RRP12: variants seen among roughly 807,000 people sequenced by gnomAD.
RRP12 encodes RRP12-like protein.
Under a neutral mutation model 157.3 loss-of-function variants are expected in RRP12, and 78 were observed. That is an observed-to-expected ratio of 0.50 (90% confidence interval 0.41 to 0.60). RRP12 has a LOEUF of 0.60. RRP12 is among the 20% of genes least tolerant of loss of function. RRP12 has a pLI of 0.00. For missense variants in RRP12, 1,521 were observed against 1,679.9 expected, an observed-to-expected ratio of 0.91 and a Z score of 1.65; for synonymous variants, 726 against 670.9, an observed-to-expected ratio of 1.08 and a Z score of -1.27.
rs1033917871 is a variant in RRP12, at chr10:97,361,019, C to T, written c.3568-401G>A. On this transcript the variant is annotated intron_variant, in intron 30 of 33. Coordinates refer to ENST00000370992, the MANE Select transcript of RRP12 (RefSeq NM_015179.4). ...ACCAGTTCTTTGCTTCACACAAACC[C>T]CACCCCACTCTCCCTATTAATCACT... 5.3e-5 allele frequency among the ~76,000 whole-genome samples: 8 copies of T among 152,134 alleles called. No homozygotes were observed. In the South Asian group the frequency reaches 1.7e-3, roughly 32 times the overall value.
Position 97,367,492 on chromosome 10 carries a change from G to C in RRP12, c.2956-360C>G, listed in dbSNP as rs1169973883. 3.4e-5 allele frequency: 9 copies of C among 268,398 alleles called. No homozygotes were observed. The Admixed American group carries it at 3.5e-4, about 10-fold the overall frequency. The allele number at this position is 268,398 out of a possible 1,614,324, so 16.6% of individuals were successfully genotyped here. A position where few individuals can be genotyped will look rare whatever the true frequency, so the allele number is the denominator to read the frequency against. ...AGGACACGGCGGCACAGAGGATAAA[G>C]TGTTTGCTAAATGGCCATAGAGGTG... On this transcript the variant is annotated intron_variant, in intron 25 of 33. Transcript: ENST00000370992.
intron 29 of RRP12, among the ~76,000 whole-genome samples, chr10:97,364,877 G>T (rs978142120): frequency 1.3e-5 from 2 of 152,158 alleles, no homozygotes; most frequent in African/African-American, 4.8e-5. Flanking sequence ...GGCAGAGAGA[G>T]AGGGGAGGGG....
chr10:97,364,959 G>A (rs150073483), intron 29 of RRP12, among the ~76,000 whole-genome samples: 1 of 152,248 alleles, frequency 6.6e-6, no homozygotes, highest in African/African-American at 2.4e-5. Flanking sequence ...GGCGAGAGAG[G>A]AGCAGAGAAG....
intron 3 of RRP12, 39 bp from the exon 4 acceptor site, chr10:97,393,799 T>C: frequency 3.2e-6 from 5 of 1,541,588 alleles, no homozygotes; most frequent in Non-Finnish European, 9.0e-7. Flanking sequence ...GGATAAAAAC[T>C]TACACTGAGC....
chr10:97,365,983 A>C, intron 29 of RRP12, 125 bp downstream of exon 29: 1 of 1,329,748 alleles, frequency 7.5e-7, no homozygotes, highest in Non-Finnish European at 1.0e-6. Context: ...AGAAACTCAA[A>C]AAGTTTGAGG....
intron 31 of RRP12, 99 bp downstream of exon 31, chr10:97,360,447 G>A: frequency 1.1e-6 from 1 of 945,798 alleles, no homozygotes; most frequent in Non-Finnish European, 1.7e-6. Context: ...CAACCAGGCT[G>A]TGCACCCTCA....
intron 13 of RRP12, 40 bp from the exon 14 acceptor site, chr10:97,379,810 G>A (rs773717976): frequency 7.1e-6 from 11 of 1,556,668 alleles, no homozygotes; most frequent in African/African-American, 1.4e-5. Flanking sequence ...AGACATGCTC[G>A]AAAGCAGGGA....
At chr10:97,365,937 T>TA (rs1231431208) in intron 29 of RRP12, 171 bp downstream of exon 29, 3 of 834,124 alleles carry the variant, frequency 3.6e-6, no homozygotes, top group African/African-American at 1.7e-5. Context: ...GGTTACAACA[T>TA]AAAAAGATTT....
At position 97,370,182 on chromosome 10, in the gene RRP12, G is replaced by A; in HGVS notation, c.2782C>T (p.Leu928Phe). The A allele has an allele frequency of 6.2e-7, 1 of 1,603,114 alleles. No individual in the cohort carries two copies. Among genetic ancestry groups the A allele is most frequent in the Non-Finnish European group, 8.5e-7 (1 of 1,175,164 alleles). ...AAGCATTTACCTTTAAACTCGAAAA[G>A]GAGGTGGGTCAGGGCCAGGATGCTG... ...SCSILALTHL[L>F]FEFKGLMGTS... The change falls in exon 24 of 34, where the codon CTT (leucine) becomes TTT (phenylalanine). Residue 928 changes from leucine to phenylalanine, a missense_variant. Leu to Phe is a conservative substitution (Grantham distance 22, BLOSUM62 0). Transcript: ENST00000370992.
chr10:97,401,283 G>T lies in RRP12; in HGVS notation c.-52C>A, dbSNP rs573285534. On this transcript the variant is annotated 5_prime_UTR_variant, in exon 1 of 34. Coordinates refer to ENST00000370992, the MANE Select transcript of RRP12 (RefSeq NM_015179.4). ...GCTTAAATGACCGGCTTCCAGGGACGTAGAAACACGCTCAGAACCCACGTG... is the reference window on the plus strand; with the variant it reads ...GCTTAAATGACCGGCTTCCAGGGACTTAGAAACACGCTCAGAACCCACGTG... 6.2e-7 allele frequency: 1 copy of T among 1,609,460 alleles called. No homozygotes were observed. Among genetic ancestry groups the T allele is most frequent in the South Asian group, 1.1e-5 (1 of 90,908 alleles).
chr10:97,385,926 A>G lies in RRP12; in HGVS notation c.1085T>C (p.Leu362Pro). The G allele has an allele frequency of 1.2e-6, 2 of 1,607,334 alleles. No homozygotes were observed. Among genetic ancestry groups the G allele is most frequent in the Non-Finnish European group, 1.7e-6 (2 of 1,177,042 alleles). Residue 362 changes from leucine to proline, a missense_variant, in exon 9 of 34, where the codon CTG (leucine) becomes CCG (proline). Transcript: ENST00000370992. ...GATCTGGGCGTTGAGCTCTGCTGAC[A>G]GGGTGCTCAGGCCAGGCCTGGCGTG... ...LFHARPGLST[L>P]SAELNAQIIT...
At chr10:97,394,569 T>C (rs1844901823) in intron 3 of RRP12, among the ~76,000 whole-genome samples, 1 of 152,118 alleles carries the variant, frequency 6.6e-6, no homozygotes, top group South Asian at 2.1e-4. Context: ...ATTTTATTTT[T>C]TGTAGAGACA....
At position 97,373,567 on chromosome 10, in the gene RRP12, A is replaced by C; in HGVS notation, c.2026+8T>G. On this transcript the variant is annotated splice_region_variant and intron_variant, in intron 17 of 33. Transcript: ENST00000370992. ...TCCCCAGCCCCCACTCCCACAGCCC[A>C]CACGTACCTGCCTGGCAGCCCTTGG... 1.9e-6 allele frequency: 3 copies of C among 1,590,662 alleles called. No homozygotes were observed. The highest frequency in any genetic ancestry group is 2.6e-6 in the Non-Finnish European group (3 of 1,165,700).
In RRP12 at chr10:97,366,861, C is replaced by G. The variant is rs530502712; in HGVS notation, c.3096G>C (p.Leu1032=). 2.5e-6 allele frequency: 4 copies of G among 1,614,174 alleles called. No individual in the cohort carries two copies. The East Asian group carries it at 8.9e-5, about 36-fold the overall frequency. The stretch of plus-strand genomic sequence containing the variant: ...GGGCCTCAGCTTTCCGGATGTTGAC[C>G]AGGACTCTGTGGTACTCCTCGGGCA... ...RLLPEEYHRV[L]VNIRKAEARA... Residue 1032 remains leucine (L), a synonymous_variant, in exon 27 of 34, where the codon CTG becomes CTC. Transcript: ENST00000370992.
intron 29 of RRP12, among the ~76,000 whole-genome samples, chr10:97,364,264 T>A (rs1017252549): frequency 1.3e-5 from 2 of 152,100 alleles, no homozygotes; most frequent in African/African-American, 4.8e-5. Context: ...TGCAGCCCCA[T>A]ACACACCCCC....
At chr10:97,357,382 A>G (rs1204283429) in intron 33 of RRP12, among the ~76,000 whole-genome samples, 186 bp from the exon 34 acceptor site, 4 of 152,146 alleles carry the variant, frequency 2.6e-5, no homozygotes, top group Non-Finnish European at 5.9e-5. Context: ...CCTGACCTGG[A>G]CATTCCACTT....
At chr10:97,385,538 A>T (rs1431024559) in intron 9 of RRP12, among the ~76,000 whole-genome samples, 2 of 151,780 alleles carry the variant, frequency 1.3e-5, no homozygotes, top group East Asian at 3.9e-4. Flanking sequence ...TTGAAAAAAA[A>T]AAACGTACAT....
rs945603474 is a variant in RRP12, at chr10:97,372,783, T to C, written c.2202A>G (p.Glu734=). 4.5e-6 allele frequency: 7 copies of C among 1,563,596 alleles called. No homozygotes were observed. In the African/African-American group the frequency reaches 8.2e-5, roughly 18 times the overall value. The change falls in exon 19 of 34, where the codon GAA becomes GAG. Residue 734 remains glutamate, a synonymous_variant. Coordinates refer to ENST00000370992, the MANE Select transcript of RRP12 (RefSeq NM_015179.4). Reference sequence around the variant, plus strand: ...GGTCGAGCACCTTCTCACTGGCTTTTTCCAGGAGACTGTTCACCAACTTGT... The same window carrying C: ...GGTCGAGCACCTTCTCACTGGCTTTCTCCAGGAGACTGTTCACCAACTTGT... ...TDTQLVNSLL[E]KASEKVLDPA...
At chr10:97,359,454 C>A (rs1344173096) in intron 31 of RRP12, among the ~76,000 whole-genome samples, 1 of 152,222 alleles carries the variant, frequency 6.6e-6, no homozygotes, top group Non-Finnish European at 1.5e-5. Flanking sequence ...TTGGGTTTCA[C>A]ACAAACACTG....
Sources: allele counts gnomAD v4.1 joint callset (sites outside exome capture counted in the v4.1 genomes callset), GRCh38; gene constraint gnomAD v4.1.1; transcripts MANE v1.5; gene names NCBI Gene and HGNC (gene_info 2026-07-23, HGNC 2026-07-21).